The following CERS6 variants were observed in gnomAD, a reference collection of about 807,000 sequenced individuals.
CERS6 encodes the protein ceramide synthase 6.
CERS6 carries 26 observed loss-of-function variants against 56.8 expected under a neutral mutation model. That is an observed-to-expected ratio of 0.46 (90% CI 0.34 to 0.63). The LOEUF (loss-of-function observed/expected upper bound fraction) is 0.63, where lower values mean the gene tolerates loss of function less well. Ranked by LOEUF, CERS6 falls within the 30% of genes least tolerant of loss-of-function variation. The pLI is 0.01. For synonymous variants in CERS6, 164 were observed against 173.3 expected, an observed-to-expected ratio of 0.95 and a Z score of 0.42; for missense variants, 415 against 467.5, an observed-to-expected ratio of 0.89 and a Z score of 1.04.
chr2:168,498,043 A>G (rs1357056910), intron 1 of CERS6, among the ~76,000 whole-genome samples: 1 of 152,174 alleles, frequency 6.6e-6, no homozygotes, highest in Non-Finnish European at 1.5e-5. Context: ...TCTAGCCAGC[A>G]TCTTCACGGC....
At chr2:168,615,342 C>T (rs1015752108) in intron 3 of CERS6, among the ~76,000 whole-genome samples, 31 of 151,902 alleles carry the variant, frequency 2.0e-4, no homozygotes, top group African/African-American at 7.3e-4. Context: ...ACCAGCTCAC[C>T]AGCAATGGAT....
intron 4 of CERS6, among the ~76,000 whole-genome samples, chr2:168,683,053 C>T (rs1686260420): frequency 6.6e-6 from 1 of 152,008 alleles, no homozygotes; most frequent in Non-Finnish European, 1.5e-5. Context: ...AATGCTAAGT[C>T]AAGGATATGT....
At chr2:168,472,116 C>A (rs1268009672) in intron 1 of CERS6, among the ~76,000 whole-genome samples, 1 of 152,188 alleles carries the variant, frequency 6.6e-6, no homozygotes, top group Non-Finnish European at 1.5e-5. Flanking sequence ...TGGGTATTAG[C>A]TCTAAACCCC....
intron 8 of CERS6, among the ~76,000 whole-genome samples, chr2:168,737,110 C>T (rs1188604464): frequency 6.6e-6 from 1 of 152,218 alleles, no homozygotes; most frequent in Non-Finnish European, 1.5e-5. Flanking sequence ...TTCCTGATAG[C>T]ATGCCAGCCT....
chr2:168,598,680 A>G (rs1237011032), intron 3 of CERS6, among the ~76,000 whole-genome samples: 1 of 152,232 alleles, frequency 6.6e-6, no homozygotes, highest in East Asian at 1.9e-4. Flanking sequence ...AAGAAAATTT[A>G]ATAACGTAGC....
intron 8 of CERS6, among the ~76,000 whole-genome samples, chr2:168,723,335 T>C (rs55662783): frequency 6.6e-6 from 1 of 152,134 alleles, no homozygotes; most frequent in Non-Finnish European, 1.5e-5. Flanking sequence ...CTCCCAATAC[T>C]TTCTGCCTTT....
At chr2:168,695,800 A>G (rs1362359364) in intron 6 of CERS6, among the ~76,000 whole-genome samples, 1 of 152,118 alleles carries the variant, frequency 6.6e-6, no homozygotes, top group Non-Finnish European at 1.5e-5. Flanking sequence ...ACCATAACCT[A>G]CATGCCATGA....
At chr2:168,644,372 G>C (rs1480309220) in intron 4 of CERS6, 5 of 984,892 alleles carry the variant, frequency 5.1e-6, no homozygotes, top group Non-Finnish European at 6.0e-6. Flanking sequence ...GAAGAGAGGA[G>C]GCAGCAGATA....
At chr2:168,503,065 C>A (rs1250813008) in intron 1 of CERS6, among the ~76,000 whole-genome samples, 6 of 152,076 alleles carry the variant, frequency 3.9e-5, no homozygotes, top group African/African-American at 1.4e-4. Flanking sequence ...GGGTGGTTTC[C>A]CCCATGCTTT....
intron 1 of CERS6, among the ~76,000 whole-genome samples, chr2:168,540,061 A>G (rs1695338908): frequency 6.6e-6 from 1 of 152,156 alleles, no homozygotes; most frequent in South Asian, 2.1e-4. Context: ...GCATATTTGA[A>G]ATGGGAATCT....
chr2:168,696,607 G>T (rs1050535964), intron 6 of CERS6, among the ~76,000 whole-genome samples: 5 of 152,136 alleles, frequency 3.3e-5, no homozygotes, highest in Non-Finnish European at 7.4e-5. Flanking sequence ...AGAAGGTGAG[G>T]TGCCCCAGAT....
chr2:168,592,426 A>G (rs1441135690), intron 3 of CERS6, among the ~76,000 whole-genome samples: 5 of 152,092 alleles, frequency 3.3e-5, no homozygotes, highest in East Asian at 1.9e-4. Flanking sequence ...GGGCTCTGGA[A>G]GCCAGCAGCA....
At chr2:168,728,222 T>C (rs1374185423) in intron 8 of CERS6, among the ~76,000 whole-genome samples, 1 of 152,102 alleles carries the variant, frequency 6.6e-6, no homozygotes, top group East Asian at 1.9e-4. Flanking sequence ...TGCTCTCTGG[T>C]CTCTTGCAGA....
intron 4 of CERS6, among the ~76,000 whole-genome samples, chr2:168,667,617 A>G (rs1574143753): frequency 6.6e-6 from 1 of 152,058 alleles, no homozygotes; most frequent in East Asian, 1.9e-4. Flanking sequence ...CTAATGGATG[A>G]CACTACTGCA....
chr2:168,533,768 AG>A (rs1695209078), intron 1 of CERS6, among the ~76,000 whole-genome samples: 1 of 152,052 alleles, frequency 6.6e-6, no homozygotes, highest in African/African-American at 2.4e-5. Flanking sequence ...CTGTCTTGCT[AG>A]GTTGGGGAAG....
At chr2:168,499,735 A>C (rs1406335478) in intron 1 of CERS6, among the ~76,000 whole-genome samples, 1 of 152,170 alleles carries the variant, frequency 6.6e-6, no homozygotes, top group Non-Finnish European at 1.5e-5. Flanking sequence ...GTGGTGCTGC[A>C]ATACGTTTTG....
chr2:168,767,925 C>G (rs908614542), intron 9 of CERS6, among the ~76,000 whole-genome samples: 1 of 152,134 alleles, frequency 6.6e-6, no homozygotes, highest in Non-Finnish European at 1.5e-5. Flanking sequence ...TTTTGTCACA[C>G]CACTGAAAAA....
intron 8 of CERS6, among the ~76,000 whole-genome samples, chr2:168,741,417 A>G (rs1683903338): frequency 6.6e-6 from 1 of 152,014 alleles, no homozygotes; most frequent in Admixed American, 6.5e-5. Flanking sequence ...CTAGAAAACC[A>G]GTTAGAGCAG....
intron 2 of CERS6, among the ~76,000 whole-genome samples, chr2:168,554,388 A>T (rs1391270829): frequency 6.6e-6 from 1 of 152,200 alleles, no homozygotes; most frequent in African/African-American, 2.4e-5. Context: ...CCTTATTTGG[A>T]GATAGGATCT....
Sources: gnomAD v4.1 joint callset for allele counts (sites outside exome capture counted in the v4.1 genomes callset) on GRCh38, gnomAD v4.1.1 for gene constraint, MANE v1.5 for transcripts, NCBI Gene and HGNC (gene_info 2026-07-23, HGNC 2026-07-21) for gene names.